Variants in C3orf18 observed in about 807,000 individuals in gnomAD.
The protein encoded by C3orf18 is uncharacterized protein C3orf18.
A neutral mutation model predicts 14.1 loss-of-function variants in C3orf18; 12 were observed. The ratio of observed to expected loss-of-function variants is 0.85; its 90% CI spans 0.55 to 1.38. C3orf18 has a LOEUF of 1.38. Among genes scored for constraint, C3orf18 ranks in the 40% most tolerant of loss-of-function variants. The probability of loss-of-function intolerance (pLI) is 0.00; values close to 1 mark genes in which losing one functional copy is unlikely to be tolerated. For missense variants in C3orf18, 196 were observed against 213.9 expected (o/e 0.92, Z 0.52); for synonymous variants, 82 against 87.9 (o/e 0.93, Z 0.38).
rs1255060904 is a variant in C3orf18, at chr3:50,565,049, C to T, written c.234+417G>A. On this transcript the variant is annotated intron_variant, in intron 3 of 5. Transcript: ENST00000357203. This position sits in a 1 kb window ranked among gnomAD's most constrained non-coding sequence, Gnocchi z 4.4. ...CTGGGCCCCAGTGGACAAATCTCTG[C>T]AGGAGAGGAGGACTGCACTCTCATT... Among the ~76,000 whole-genome samples the T allele has an allele frequency of 6.6e-6, 1 of 152,174 alleles. No homozygotes were observed. Among genetic ancestry groups the T allele is most frequent in the Non-Finnish European group, 1.5e-5 (1 of 68,038 alleles).
intron 3 of C3orf18, chr3:50,561,985 C>T (rs1700004166): frequency 3.3e-6 from 2 of 601,444 alleles, no homozygotes; most frequent in South Asian, 2.0e-5. Context: ...CTGCAACCTT[C>T]GCCTCCAAGG....
At chr3:50,572,986 A>G (rs1701181600), upstream of C3orf18, among the ~76,000 whole-genome samples, 1 of 152,220 alleles carries the variant, frequency 6.6e-6, no homozygotes, top group Non-Finnish European at 1.5e-5. Context: ...AGACCTAGGC[A>G]CACAAACATT....
At chr3:50,573,512 G>C (rs1396814330), upstream of C3orf18, among the ~76,000 whole-genome samples, 2 of 152,248 alleles carry the variant, frequency 1.3e-5, no homozygotes, top group Non-Finnish European at 2.9e-5. Context: ...TGAGTATCAA[G>C]TGTGGACTTT....
At chr3:50,561,142 A>G in intron 4 of C3orf18, 78 bp from the exon 5 acceptor site, 2 of 1,476,570 alleles carry the variant, frequency 1.4e-6, no homozygotes, top group Non-Finnish European at 1.9e-6. Flanking sequence ...CTGCCTCCTG[A>G]CTAGCTGAGC....
chr3:50,570,881 G>C (rs1301078353), upstream of C3orf18: 2 of 449,690 alleles, frequency 4.4e-6, no homozygotes, highest in Non-Finnish European at 7.9e-6. Flanking sequence ...TGGTAGAAGG[G>C]GGGGTGTCAT....
chr3:50,560,801 A>C, intron 5 of C3orf18, 116 bp downstream of exon 5: 4 of 1,146,318 alleles, frequency 3.5e-6, no homozygotes, highest in Non-Finnish European at 4.9e-6. Context: ...CGTATACCCA[A>C]TACCTGCCAT....
intron 3 of C3orf18, 68 bp from the exon 4 acceptor site, chr3:50,561,815 G>C (rs1404700979): frequency 1.9e-6 from 3 of 1,539,394 alleles, no homozygotes; most frequent in Non-Finnish European, 9.0e-7. Flanking sequence ...AGCCCTTCTG[G>C]ATGGGGACAT....
chr3:50,563,139 A>G (rs1361590122), intron 3 of C3orf18, among the ~76,000 whole-genome samples: 1 of 152,088 alleles, frequency 6.6e-6, no homozygotes, highest in Non-Finnish European at 1.5e-5. Flanking sequence ...CCTGGCCCAG[A>G]GCTCCTCCTG....
At chr3:50,561,993 A>T in intron 3 of C3orf18, 1 of 599,402 alleles carries the variant, frequency 1.7e-6, no homozygotes, top group South Asian at 2.0e-5. Flanking sequence ...TTCGCCTCCA[A>T]GGTTCAAGTG....
intron 3 of C3orf18, chr3:50,562,357 G>C: frequency 2.5e-6 from 1 of 400,896 alleles, no homozygotes; most frequent in Non-Finnish European, 4.9e-6. Flanking sequence ...TGTAGCTCCA[G>C]CCACTCAGCA....
At chr3:50,567,170 A>G (rs1313997039) in intron 1 of C3orf18, among the ~76,000 whole-genome samples, 1 of 152,128 alleles carries the variant, frequency 6.6e-6, no homozygotes, top group Non-Finnish European at 1.5e-5. Context: ...TGGCTTTGCA[A>G]CTGATCCCGG....
chr3:50,565,612 GC>G lies in C3orf18; in HGVS notation c.87del (p.Pro30GlnfsTer42), dbSNP rs768044430. On this transcript the variant is annotated frameshift_variant, in exon 3 of 6. Coordinates refer to ENST00000357203, the MANE Select transcript of C3orf18 (RefSeq NM_016210.5). LOFTEE classifies it high-confidence loss of function. The surrounding 1 kb of genome is among the most constrained non-coding windows in gnomAD (Gnocchi z 4.4). ...SESDLEPATDGPASETTTLSP... is the reference protein window; with the variant it reads ...SESDLEPATDXPASETTTLSP... ...CTGAGGGTAGTGGTCTCGGAGGCTG[GC>G]CCATCTGTGGCAGGTTCCAGGTCAG... The G allele has an allele frequency of 1.1e-5, 18 of 1,613,744 alleles. No individual in the cohort carries two copies. The highest frequency in any genetic ancestry group is 1.5e-5 in the Non-Finnish European group (18 of 1,180,020).
upstream of C3orf18, chr3:50,571,392 A>G (rs1207302302): frequency 7.6e-7 from 1 of 1,311,012 alleles, no homozygotes; most frequent in Non-Finnish European, 1.1e-6. Context: ...TGGGGAAGGG[A>G]TATCCAGGTT....
rs752758925 is a variant in C3orf18, at chr3:50,559,695, GC to G, written c.450del (p.Leu151TrpfsTer22). On this transcript the variant is annotated frameshift_variant, in exon 6 of 6. Transcript: ENST00000357203. LOFTEE classifies it high-confidence loss of function. ...GCATTGGCCACATCGGTAAACACCA[GC>G]CGGCTGGGTCTCTGCAGTGGGCCCT... is the stretch of plus-strand genomic sequence containing the variant. Reference protein sequence around the residue: ...PSQGPLQRPSRLVFTDVANAI... With the variant: ...PSQGPLQRPSXLVFTDVANAI... 6.3e-7 allele frequency: 1 copy of G among 1,596,480 alleles called. No homozygotes were observed. Among genetic ancestry groups the G allele is most frequent in the Non-Finnish European group, 8.5e-7 (1 of 1,171,332 alleles).
chr3:50,574,039 C>T (rs570133609), upstream of C3orf18, among the ~76,000 whole-genome samples: 11 of 152,326 alleles, frequency 7.2e-5, no homozygotes, highest in Non-Finnish European at 1.5e-5. Flanking sequence ...ATAGAGGGTA[C>T]TCATGGGCAC....
chr3:50,565,798 A>G lies in C3orf18; in HGVS notation c.-99T>C. On this transcript the variant is annotated 5_prime_UTR_variant, in exon 3 of 6. Transcript: ENST00000357203. This position sits in a 1 kb window ranked among gnomAD's most constrained non-coding sequence, Gnocchi z 4.4. ...AGTGCCCCAGCCTGTGGTTCCTGCC[A>G]CCTGTGGTGGCCACCTGCACAGCCA... The G allele has an allele frequency of 1.1e-6, 1 of 918,554 alleles. No individual in the cohort carries two copies. The highest frequency in any genetic ancestry group is 1.6e-5 in the South Asian group (1 of 61,084). The allele number at this position is 918,554 out of a possible 1,614,324, so 56.9% of individuals were successfully genotyped here. A position where few individuals can be genotyped will look rare whatever the true frequency, so the allele number is the denominator to read the frequency against.
chr3:50,564,519 C>G (rs1700168686), intron 3 of C3orf18, among the ~76,000 whole-genome samples: 1 of 152,184 alleles, frequency 6.6e-6, no homozygotes, highest in Non-Finnish European at 1.5e-5. Context: ...TCAGCTGTTC[C>G]TAACCACCTA....
chr3:50,562,847 G>T (rs1700073979), intron 3 of C3orf18, among the ~76,000 whole-genome samples: 1 of 152,190 alleles, frequency 6.6e-6, no homozygotes, highest in East Asian at 1.9e-4. Context: ...GAAGATGAGG[G>T]CCTAGGCAGC....
chr3:50,569,087 GA>G (rs1462040389), upstream of C3orf18: 1 of 152,336 alleles, frequency 6.6e-6, no homozygotes, highest in East Asian at 1.9e-4. Flanking sequence ...CCCAGGCTAA[GA>G]TAGACCACGC....
Sources: gnomAD v4.1 joint callset for allele counts (sites outside exome capture counted in the v4.1 genomes callset) on GRCh38, gnomAD v4.1.1 for gene constraint, Gnocchi (gnomAD v3.1) non-coding constraint, MANE v1.5 for transcripts, NCBI Gene and HGNC (gene_info 2026-07-23, HGNC 2026-07-21) for gene names.